The following RAD51B variants were observed in gnomAD, a reference collection of about 807,000 sequenced individuals.
RAD51B encodes DNA repair protein RAD51 homolog 2.
RAD51B carries 38 observed loss-of-function variants against 42.2 expected under a neutral mutation model. That is an observed-to-expected ratio of 0.90 (90% CI 0.70 to 1.18). The LOEUF (loss-of-function observed/expected upper bound fraction) is 1.18, where lower values mean the gene tolerates loss of function less well. RAD51B is among the 50% of genes most tolerant of loss of function. RAD51B has a pLI of 0.00. For synonymous variants in RAD51B, 154 were observed against 145.2 expected (o/e 1.06, Z -0.43); for missense variants, 373 against 400.7 (o/e 0.93, Z 0.59).
chr14:68,465,951 A>AAAATAAATAAAT (rs201431600), intron 9 of RAD51B, among the ~76,000 whole-genome samples: 2 of 90,458 alleles, frequency 2.2e-5, no homozygotes, highest in African/African-American at 6.6e-5. Flanking sequence ...AAAAAAAAAA[A>AAAATAAATAAAT]AAATAAATAA....
chr14:68,612,239 C>T (rs748316382), downstream of RAD51B, among the ~76,000 whole-genome samples: 13 of 152,138 alleles, frequency 8.5e-5, no homozygotes, highest in Non-Finnish European at 1.6e-4. Flanking sequence ...TCAATGGGGC[C>T]CAGGAGACAG....
chr14:68,150,883 T>G (rs1459646964), intron 7 of RAD51B, among the ~76,000 whole-genome samples: 1 of 152,178 alleles, frequency 6.6e-6, no homozygotes, highest in East Asian at 1.9e-4. Context: ...TACATTTTAC[T>G]TACACATAAA....
intron 9 of RAD51B, among the ~76,000 whole-genome samples, chr14:68,461,055 A>T (rs2085831870): frequency 6.6e-6 from 1 of 152,130 alleles, no homozygotes; most frequent in African/African-American, 2.4e-5. Context: ...GAATGGGTCA[A>T]ATAGATTATG....
At chr14:68,141,567 C>G (rs1160729301) in intron 7 of RAD51B, among the ~76,000 whole-genome samples, 1 of 152,128 alleles carries the variant, frequency 6.6e-6, no homozygotes, top group Non-Finnish European at 1.5e-5. Flanking sequence ...GTAGACAAAT[C>G]TCGTGTGACA....
intron 10 of RAD51B, among the ~76,000 whole-genome samples, chr14:68,609,092 G>A (rs1216258095): frequency 6.6e-6 from 1 of 152,068 alleles, no homozygotes; most frequent in East Asian, 1.9e-4. Flanking sequence ...CCTGGCTCTT[G>A]TGCCCCCGCC....
chr14:67,846,335 T>C (rs1453102833), intron 4 of RAD51B, among the ~76,000 whole-genome samples: 2 of 152,158 alleles, frequency 1.3e-5, no homozygotes, highest in East Asian at 3.9e-4. Flanking sequence ...GTCCTCCGTA[T>C]GCGCGTTTGC....
intron 10 of RAD51B, among the ~76,000 whole-genome samples, chr14:68,586,350 A>T (rs1890477087): frequency 1.3e-5 from 2 of 151,804 alleles, no homozygotes; most frequent in African/African-American, 4.8e-5. Context: ...CCCTCCACAC[A>T]CCTTTATTTT....
At chr14:67,834,318 C>A (rs2041157127) in intron 3 of RAD51B, among the ~76,000 whole-genome samples, 1 of 149,306 alleles carries the variant, frequency 6.7e-6, no homozygotes, top group African/African-American at 2.5e-5. Flanking sequence ...TTAATCACAT[C>A]TGCAAACACC....
intron 9 of RAD51B, among the ~76,000 whole-genome samples, chr14:68,429,962 A>C (rs576446699): frequency 6.6e-6 from 1 of 152,234 alleles, no homozygotes; most frequent in Non-Finnish European, 1.5e-5. Flanking sequence ...AGCTTTCTAC[A>C]TATGGCCAGC....
At chr14:68,540,552 A>C in intron 10 of RAD51B, 1 of 985,400 alleles carries the variant, frequency 1.0e-6, no homozygotes, top group South Asian at 4.7e-5. Flanking sequence ...TCAAACAATA[A>C]GTATTTGCAA....
At chr14:67,900,182 C>T (rs2043562900) in intron 7 of RAD51B, among the ~76,000 whole-genome samples, 1 of 152,078 alleles carries the variant, frequency 6.6e-6, no homozygotes, top group South Asian at 2.1e-4. Context: ...GCTTTGATTG[C>T]TTTTTCACAA....
intron 7 of RAD51B, among the ~76,000 whole-genome samples, chr14:68,148,183 G>A (rs1452641783): frequency 6.6e-6 from 1 of 152,120 alleles, no homozygotes; most frequent in Non-Finnish European, 1.5e-5. Context: ...CTGCAAAGTA[G>A]TTTTCCACTG....
chr14:68,623,677 A>C (rs1337691217), intron 10 of RAD51B, among the ~76,000 whole-genome samples: 1 of 152,240 alleles, frequency 6.6e-6, no homozygotes, highest in East Asian at 1.9e-4. Flanking sequence ...TAAGCCAATC[A>C]TTCCCTTGCT....
intron 7 of RAD51B, among the ~76,000 whole-genome samples, chr14:68,166,736 A>C (rs887765610): frequency 6.6e-6 from 1 of 152,146 alleles, no homozygotes; most frequent in East Asian, 1.9e-4. Context: ...CCCCAGACTT[A>C]TTAATCCAGG....
At chr14:68,179,318 T>C (rs2079017005) in intron 7 of RAD51B, among the ~76,000 whole-genome samples, 2 of 152,156 alleles carry the variant, frequency 1.3e-5, no homozygotes, top group Admixed American at 1.3e-4. Context: ...AAGAATCTGA[T>C]TGGGATAAAA....
At chr14:68,441,467 G>A (rs757786922) in intron 9 of RAD51B, among the ~76,000 whole-genome samples, 3 of 139,690 alleles carry the variant, frequency 2.1e-5, no homozygotes, top group Admixed American at 7.2e-5. Flanking sequence ...GAGTGAACCC[G>A]GGAGGAGGAG....
chr14:68,242,325 C>G (rs1229065927), intron 7 of RAD51B, among the ~76,000 whole-genome samples: 1 of 152,204 alleles, frequency 6.6e-6, no homozygotes, highest in Admixed American at 6.5e-5. Context: ...CTCTGAACCC[C>G]TAGATAGTCT....
In RAD51B at chr14:67,834,582, A is replaced by G. The variant is rs141650885; in HGVS notation, c.199-498A>G. ...TGCTACACCCACACTCCATCTTTCA[A>G]CCATTCTAAATGAACTGTATATTTA... On this transcript the variant is annotated intron_variant, in intron 3 of 10. Transcript: ENST00000471583. 5.8e-3 allele frequency among the ~76,000 whole-genome samples: 881 copies of G among 151,848 alleles called. 2 individuals are homozygous for G. The highest frequency in any genetic ancestry group is 0.01 in the Non-Finnish European group (684 of 67,958).
chr14:67,855,397 ATT>A (rs375512329), intron 4 of RAD51B, among the ~76,000 whole-genome samples: 19 of 143,566 alleles, frequency 1.3e-4, no homozygotes, highest in Admixed American at 1.4e-4. Flanking sequence ...CGCTTGGCTA[ATT>A]TTTTTTTTTT....
Sources: gnomAD v4.1 joint callset for allele counts (sites outside exome capture counted in the v4.1 genomes callset) on GRCh38, gnomAD v4.1.1 for gene constraint, MANE v1.5 for transcripts, NCBI Gene and HGNC (gene_info 2026-07-23, HGNC 2026-07-21) for gene names.